The following ATP8A2 variants were observed in gnomAD, a reference collection of about 807,000 sequenced individuals.
ATP8A2 encodes the protein phospholipid-transporting ATPase IB.
ATP8A2 carries 100 observed loss-of-function variants against 165.6 expected under a neutral mutation model. The ratio of observed to expected loss-of-function variants is 0.60; its 90% CI spans 0.51 to 0.71. The LOEUF is 0.71. Among genes scored for constraint, ATP8A2 ranks in the 30% least tolerant of loss-of-function variants. The probability of loss-of-function intolerance (pLI) is 0.00; values close to 1 mark genes in which losing one functional copy is unlikely to be tolerated. For synonymous variants in ATP8A2, 543 were observed against 548.8 expected (o/e 0.99, Z 0.15); for missense variants, 1,227 against 1,479.5 (o/e 0.83, Z 2.80).
chr13:25,674,361 G>A (rs2042330065), intron 24 of ATP8A2, among the ~76,000 whole-genome samples: 1 of 151,926 alleles, frequency 6.6e-6, no homozygotes, highest in South Asian at 2.1e-4. Flanking sequence ...TGCAAAATAG[G>A]CTTTTCAATA....
intron 24 of ATP8A2, among the ~76,000 whole-genome samples, chr13:25,649,197 C>G (rs1467966354): frequency 6.6e-6 from 1 of 152,166 alleles, no homozygotes; most frequent in African/African-American, 2.4e-5. Context: ...TCTGGTTGGG[C>G]TAGCTGGTAA....
intron 33 of ATP8A2, among the ~76,000 whole-genome samples, chr13:25,951,327 T>C (rs1287603428): frequency 6.6e-6 from 1 of 152,202 alleles, no homozygotes; most frequent in Non-Finnish European, 1.5e-5. Context: ...GAATTACAGA[T>C]ATGTGCAACA....
rs112551597 is a variant in ATP8A2 at position 25,468,132 on chromosome 13, T to A, written c.77-845T>A. On this transcript the variant is annotated intron_variant, in intron 1 of 36. Transcript: ENST00000381655. ...AGTAATAACTGGATCCTTCTCTAGG[T>A]CTAGGCTGGAACGTCTCAAGTGAAG... Among the ~76,000 whole-genome samples, 729 of 152,182 alleles carry A rather than the reference T, an allele frequency of 4.8e-3. 5 individuals carry two copies. The highest frequency in any genetic ancestry group is 0.017 in the African/African-American group (708 of 41,532).
rs1406580022 is a variant in ATP8A2, at chr13:25,750,693, GT to G, written c.2385-18349del. ...TGTCGGCAGGTACCTCATATGTGTA[GT>G]TTTGGCATCGAGTTTATACGAGCAC... On this transcript the variant is annotated intron_variant, in intron 25 of 36. Transcript: ENST00000381655. The surrounding 1 kb of genome is among the most constrained non-coding windows in gnomAD (Gnocchi z 4.3). Among the ~76,000 whole-genome samples the G allele has an allele frequency of 2.0e-5, 3 of 152,164 alleles. No homozygotes were observed. The highest frequency in any genetic ancestry group is 7.2e-5 in the African/African-American group (3 of 41,442).
chr13:25,660,067 C>G (rs568622540), intron 24 of ATP8A2, among the ~76,000 whole-genome samples: 1 of 152,116 alleles, frequency 6.6e-6, no homozygotes, highest in Non-Finnish European at 1.5e-5. Context: ...CTATCAGGCC[C>G]TTTATGTTGG....
chr13:25,963,127 G>T (rs1666619076), intron 34 of ATP8A2, among the ~76,000 whole-genome samples: 2 of 152,024 alleles, frequency 1.3e-5, no homozygotes, highest in Non-Finnish European at 2.9e-5. Context: ...CAGGCGCAGT[G>T]GCTCACGCCT....
intron 24 of ATP8A2, among the ~76,000 whole-genome samples, chr13:25,601,300 G>A (rs778951760): frequency 1.3e-5 from 2 of 150,578 alleles, no homozygotes; most frequent in Admixed American, 6.6e-5. Context: ...CAGGTGGTTC[G>A]TGGTAAGCGA....
chr13:25,577,477 C>T (rs1224478552), intron 20 of ATP8A2, among the ~76,000 whole-genome samples: 2 of 152,112 alleles, frequency 1.3e-5, no homozygotes, highest in African/African-American at 2.4e-5. Context: ...TTGTGTTGAC[C>T]TATGATAATC....
intron 27 of ATP8A2, among the ~76,000 whole-genome samples, chr13:25,782,407 A>G (rs1047401114): frequency 6.6e-6 from 1 of 152,228 alleles, no homozygotes; most frequent in African/African-American, 2.4e-5. Flanking sequence ...AAAAGCTTTA[A>G]TAAGTGTTGA....
In ATP8A2 at chr13:25,846,250, G is replaced by C. The variant is rs371745122; in HGVS notation, c.2956+6626G>C. 4.6e-5 allele frequency among the ~76,000 whole-genome samples: 7 copies of C among 152,220 alleles called. No individual in the cohort carries two copies. In the East Asian group the frequency reaches 1.2e-3, roughly 25 times the overall value. ...CCTCCTGTGTTCTGGGGACACAGTA[G>C]TGCGTTAATAGAGGAGTTCCCACCC... On this transcript the variant is annotated intron_variant, in intron 30 of 36. Coordinates refer to ENST00000381655, the MANE Select transcript of ATP8A2 (RefSeq NM_016529.6).
intron 33 of ATP8A2, among the ~76,000 whole-genome samples, chr13:25,882,106 G>A (rs1327918065): frequency 6.6e-6 from 1 of 152,182 alleles, no homozygotes; most frequent in Non-Finnish European, 1.5e-5. Context: ...CAGCGGCTCT[G>A]TTTCCCGCAG....
chr13:25,992,778 G>A (rs542199162), intron 35 of ATP8A2, among the ~76,000 whole-genome samples: 31 of 151,210 alleles, frequency 2.1e-4, no homozygotes, highest in African/African-American at 5.4e-4. Flanking sequence ...ATGCTGGTGC[G>A]CTGCACCCAC....
intron 24 of ATP8A2, among the ~76,000 whole-genome samples, chr13:25,602,863 A>G (rs1317894261): frequency 6.6e-6 from 1 of 151,874 alleles, no homozygotes; most frequent in East Asian, 2.0e-4. Flanking sequence ...TGAGGTCAGG[A>G]GTTCAAGACC....
intron 25 of ATP8A2, among the ~76,000 whole-genome samples, chr13:25,716,814 G>A (rs1203594744): frequency 6.6e-6 from 1 of 152,094 alleles, no homozygotes; most frequent in Admixed American, 6.5e-5. Flanking sequence ...GAGGATGAGG[G>A]ATACAAACCT....
At chr13:25,928,879 G>A (rs1566277363) in intron 33 of ATP8A2, among the ~76,000 whole-genome samples, 1 of 152,194 alleles carries the variant, frequency 6.6e-6, no homozygotes, top group Non-Finnish European at 1.5e-5. Flanking sequence ...AATCGGAAAC[G>A]TTCTGAGACC....
chr13:25,987,739 A>C (rs967609723), intron 35 of ATP8A2, among the ~76,000 whole-genome samples: 13 of 152,218 alleles, frequency 8.5e-5, no homozygotes, highest in Admixed American at 2.0e-4. Flanking sequence ...CAGCCTTCGC[A>C]TAACACCAGA....
chr13:25,525,977 G>C (rs948110614), intron 2 of ATP8A2, among the ~76,000 whole-genome samples: 1 of 151,802 alleles, frequency 6.6e-6, no homozygotes, highest in Non-Finnish European at 1.5e-5. Flanking sequence ...TTATCTTGTT[G>C]ACAATCTTTG....
At chr13:25,590,373 C>T (rs1020597983) in intron 24 of ATP8A2, among the ~76,000 whole-genome samples, 11 of 152,120 alleles carry the variant, frequency 7.2e-5, no homozygotes, top group South Asian at 2.1e-4. Context: ...TACAGTGAGC[C>T]GTGATCGTGC....
chr13:25,867,679 C>T (rs771081267), intron 33 of ATP8A2, among the ~76,000 whole-genome samples: 1 of 152,100 alleles, frequency 6.6e-6, no homozygotes, highest in African/African-American at 2.4e-5. Context: ...CCACAGTGAG[C>T]GGGTCAGGAA....
Sources: allele counts gnomAD v4.1 joint callset (sites outside exome capture counted in the v4.1 genomes callset), GRCh38; gene constraint gnomAD v4.1.1; non-coding constraint Gnocchi (gnomAD v3.1); transcripts MANE v1.5; gene names NCBI Gene and HGNC (gene_info 2026-07-23, HGNC 2026-07-21).